TBC1D8: variants seen among roughly 807,000 people sequenced by gnomAD.
TBC1D8 encodes TBC1 domain family member 8.
TBC1D8 carries 65 observed loss-of-function variants against 118.8 expected under a neutral mutation model. The ratio of observed to expected loss-of-function variants is 0.55; its 90% CI spans 0.45 to 0.67. The LOEUF (loss-of-function observed/expected upper bound fraction) is 0.67, where lower values mean the gene tolerates loss of function less well. Ranked by LOEUF, TBC1D8 falls within the 30% of genes least tolerant of loss-of-function variation. The pLI is 0.00. For missense variants in TBC1D8, 1,376 were observed against 1,471.2 expected (o/e 0.94, Z 1.06); for synonymous variants, 566 against 595.8 (o/e 0.95, Z 0.73).
intron 1 of TBC1D8, among the ~76,000 whole-genome samples, chr2:101,127,441 T>C (rs898335775): frequency 6.6e-6 from 1 of 152,094 alleles, no homozygotes; most frequent in African/African-American, 2.4e-5. Flanking sequence ...CTCAACTCAC[T>C]TCATACACCA....
chr2:101,148,163 T>A (rs1679396866), intron 1 of TBC1D8, among the ~76,000 whole-genome samples: 1 of 152,118 alleles, frequency 6.6e-6, no homozygotes, highest in African/African-American at 2.4e-5. Context: ...AGGAAACAAT[T>A]GTGTTTCCCA....
At chr2:101,025,688 A>T (rs547557650) in intron 15 of TBC1D8, among the ~76,000 whole-genome samples, 1 of 152,356 alleles carries the variant, frequency 6.6e-6, no homozygotes, top group African/African-American at 2.4e-5. Context: ...AATAACACTG[A>T]AGAGACCAAA....
chr2:101,102,507 T>A, intron 1 of TBC1D8, among the ~76,000 whole-genome samples: 1 of 145,168 alleles, frequency 6.9e-6, no homozygotes, highest in Non-Finnish European at 1.5e-5. Context: ...GTACACCAAC[T>A]AAATGAGATT....
chr2:101,049,263 T>C (rs1178909165), intron 5 of TBC1D8, among the ~76,000 whole-genome samples: 1 of 152,186 alleles, frequency 6.6e-6, no homozygotes, highest in Non-Finnish European at 1.5e-5. Flanking sequence ...CAACAAACAA[T>C]TCAAACAACT....
chr2:101,123,660 C>T (rs1678223829), intron 1 of TBC1D8, among the ~76,000 whole-genome samples: 1 of 152,300 alleles, frequency 6.6e-6, no homozygotes, highest in Non-Finnish European at 1.5e-5. Flanking sequence ...GAACAAATCA[C>T]CTTAAGGACC....
Position 101,008,225 on chromosome 2 carries a change from C to T in TBC1D8, c.3064G>A (p.Asp1022Asn). The T allele has an allele frequency of 1.9e-6, 3 of 1,599,508 alleles. No individual in the cohort carries two copies. The highest frequency in any genetic ancestry group is 2.6e-6 in the Non-Finnish European group (3 of 1,172,130). The change falls in exon 20 of 20, where the codon GAT becomes AAT. Residue 1022 changes from aspartate (D) to asparagine (N), a missense_variant. Physicochemically the swap from Asp to Asn is conservative, Grantham distance 23. Transcript: ENST00000409318. ...TGATACAAATCATTTTCTTCTGGAT[C>T]TTCATGGAACATACTGTACAGAGTT... ...CKTLYSMFHE[D>N]PEENDLYQAI...
At chr2:101,026,485 G>GCAGT (rs1172501629) in intron 15 of TBC1D8, among the ~76,000 whole-genome samples, 1 of 152,178 alleles carries the variant, frequency 6.6e-6, no homozygotes, top group Non-Finnish European at 1.5e-5. Flanking sequence ...CAACAACCCT[G>GCAGT]CAGTCACTGA....
At chr2:101,031,543 A>G (rs1680670798) in intron 11 of TBC1D8, among the ~76,000 whole-genome samples, 1 of 152,228 alleles carries the variant, frequency 6.6e-6, no homozygotes, top group Non-Finnish European at 1.5e-5. Context: ...ATTACTAAGA[A>G]GAGTTCTTAA....
intron 2 of TBC1D8, among the ~76,000 whole-genome samples, chr2:101,084,398 A>C (rs1675463545): frequency 6.6e-6 from 1 of 152,134 alleles, no homozygotes; most frequent in African/African-American, 2.4e-5. Flanking sequence ...AAAATCAAAA[A>C]ATTTGCCAGG....
intron 1 of TBC1D8, among the ~76,000 whole-genome samples, chr2:101,130,483 A>G (rs551928402): frequency 6.6e-6 from 1 of 152,378 alleles, no homozygotes; most frequent in South Asian, 2.1e-4. Context: ...CAGAGCTTGC[A>G]GATGACACAG....
rs528823080 is a variant in TBC1D8 at position 101,056,392 on chromosome 2, C to T, written c.403-2056G>A. On this transcript the variant is annotated intron_variant, in intron 3 of 19. Transcript: ENST00000409318. ...CTAATTTCTGTATTTTTAGTAGAGA[C>T]GGGGTTTCACCGTGTTAGCCAGGAT... Among the ~76,000 whole-genome samples, 15 of 151,952 alleles carry T rather than the reference C, an allele frequency of 9.9e-5. No individual in the cohort carries two copies. The South Asian group carries it at 1.5e-3, about 15-fold the overall frequency.
intron 2 of TBC1D8, among the ~76,000 whole-genome samples, chr2:101,076,046 A>G (rs1674794522): frequency 6.6e-6 from 1 of 152,232 alleles, no homozygotes; most frequent in South Asian, 2.1e-4. Flanking sequence ...CAGAAAAATA[A>G]TAATTCACTT....
At chr2:101,126,921 G>A (rs191873162) in intron 1 of TBC1D8, among the ~76,000 whole-genome samples, 46 of 152,318 alleles carry the variant, frequency 3.0e-4, no homozygotes, top group Admixed American at 5.2e-4. Context: ...CACATCCAGT[G>A]CCCCTTCCAC....
At chr2:101,059,211 C>CTT (rs142846099) in intron 3 of TBC1D8, among the ~76,000 whole-genome samples, 21 of 140,332 alleles carry the variant, frequency 1.5e-4, no homozygotes, top group African/African-American at 4.8e-4. Context: ...CCAGCCAAGT[C>CTT]TTTTTTTTTT....
At chr2:101,149,838 C>A (rs1374369172) in intron 1 of TBC1D8, among the ~76,000 whole-genome samples, 2 of 152,218 alleles carry the variant, frequency 1.3e-5, no homozygotes, top group African/African-American at 4.8e-5. Context: ...AAAACAGCTC[C>A]TGGAGCAGGC....
In TBC1D8 at chr2:101,081,325, C is replaced by T. The variant is rs1675248596; in HGVS notation, c.283+8884G>A. On this transcript the variant is annotated intron_variant, in intron 2 of 19. Coordinates refer to ENST00000409318, the MANE Select transcript of TBC1D8 (RefSeq NM_001330348.2). ...CAGGTAAGGTGGTCTCCTGACCCTC[C>T]CCTGCTACAACGTGGCACTTTCCTT... 3.3e-5 allele frequency among the ~76,000 whole-genome samples: 5 copies of T among 152,158 alleles called. No homozygotes were observed. In the South Asian group the frequency reaches 1.0e-3, roughly 32 times the overall value.
At chr2:101,035,918 C>A in intron 9 of TBC1D8, 100 bp downstream of exon 9, 1 of 1,338,608 alleles carries the variant, frequency 7.5e-7, no homozygotes. Context: ...AAGACAGAAC[C>A]ATTTCATCTG....
At chr2:101,120,070 G>A (rs1339496423) in intron 1 of TBC1D8, among the ~76,000 whole-genome samples, 6 of 152,172 alleles carry the variant, frequency 3.9e-5, no homozygotes, top group African/African-American at 1.4e-4. Flanking sequence ...ACAGTGCAGA[G>A]AGGGTCCCTG....
intron 2 of TBC1D8, among the ~76,000 whole-genome samples, chr2:101,074,910 C>T (rs1360934629): frequency 6.6e-6 from 1 of 152,162 alleles, no homozygotes; most frequent in Non-Finnish European, 1.5e-5. Flanking sequence ...ATGAGCACCC[C>T]TACAGCCTAA....
Sources: gnomAD v4.1 joint callset for allele counts (sites outside exome capture counted in the v4.1 genomes callset) on GRCh38, gnomAD v4.1.1 for gene constraint, MANE v1.5 for transcripts, NCBI Gene and HGNC (gene_info 2026-07-23, HGNC 2026-07-21) for gene names.